CHST8: variants seen among roughly 807,000 people sequenced by gnomAD.
CHST8 encodes the protein carbohydrate sulfotransferase 8.
CHST8 carries 10 observed loss-of-function variants against 15.0 expected under a neutral mutation model. The ratio of observed to expected loss-of-function variants is 0.67; its 90% CI spans 0.41 to 1.13. The LOEUF is 1.13. CHST8 is among the 50% of genes most tolerant of loss of function. The pLI, the probability that CHST8 is intolerant of heterozygous loss-of-function variation, is 0.00. For missense variants in CHST8, 634 were observed against 608.2 expected (o/e 1.04, Z -0.45); for synonymous variants, 259 against 256.6 (o/e 1.01, Z -0.09).
intron 1 of CHST8, among the ~76,000 whole-genome samples, chr19:33,649,939 C>T (rs906607646): frequency 9.9e-5 from 15 of 152,180 alleles, no homozygotes; most frequent in Non-Finnish European, 2.1e-4. Flanking sequence ...AAAGAAACTC[C>T]TGTGGCAGTT....
intron 2 of CHST8, among the ~76,000 whole-genome samples, chr19:33,679,392 G>A (rs1042765364): frequency 1.3e-5 from 2 of 152,196 alleles, no homozygotes; most frequent in Non-Finnish European, 2.9e-5. Flanking sequence ...TCTCCAGGCT[G>A]TACTGTCGAG....
At chr19:33,685,577 G>A (rs953757212) in intron 2 of CHST8, among the ~76,000 whole-genome samples, 6 of 152,204 alleles carry the variant, frequency 3.9e-5, no homozygotes, top group African/African-American at 9.6e-5. Flanking sequence ...GGTGAAGGCA[G>A]GTTTTGCCCT....
chr19:33,708,578 G>A (rs1441095026), intron 3 of CHST8, among the ~76,000 whole-genome samples: 1 of 152,110 alleles, frequency 6.6e-6, no homozygotes, highest in Non-Finnish European at 1.5e-5. Flanking sequence ...TTATTTCATT[G>A]ATCTGTATGT....
rs969680753 is a variant in CHST8 at position 33,729,145 on chromosome 19, G to A, written c.130+39754G>A. Among the ~76,000 whole-genome samples the A allele has an allele frequency of 6.0e-4, 91 of 152,284 alleles. 1 individual carries two copies. The highest frequency in any genetic ancestry group is 3.9e-4 in the East Asian group (2 of 5,176). On this transcript the variant is annotated intron_variant, in intron 3 of 4. Transcript: ENST00000650847. Reference sequence around the variant, plus strand: ...CCAAGACCTCCAGGCCTCAGTTTCCGGTAGAACTTAGAGGGAAATCCAAAG... The same window carrying A: ...CCAAGACCTCCAGGCCTCAGTTTCCAGTAGAACTTAGAGGGAAATCCAAAG...
intron 3 of CHST8, among the ~76,000 whole-genome samples, chr19:33,725,064 T>A (rs927842732): frequency 6.6e-6 from 1 of 151,978 alleles, no homozygotes; most frequent in South Asian, 2.1e-4. Context: ...AGTGCAAGCA[T>A]ATGTATCGGG....
Position 33,772,046 on chromosome 19 carries a change from C to T in CHST8, c.258C>T (p.Gly86=). The T allele has an allele frequency of 6.2e-7, 1 of 1,612,190 alleles. No individual in the cohort carries two copies. The highest frequency in any genetic ancestry group is 1.1e-5 in the South Asian group (1 of 91,010). The change falls in exon 5 of 5, where the codon GGC becomes GGT. Residue 86 remains glycine (G), a synonymous_variant. Transcript: ENST00000650847. ...ACTTATCCAGTGGGGCCCCGAGGGG[C>T]CGCAACCTGCCAGCGCCTGACCAGC... ...TRDLSSGAPR[G]RNLPAPDQPQ... is the part of the protein sequence containing the mutation.
chr19:33,662,316 G>T (rs1972598446), intron 1 of CHST8, among the ~76,000 whole-genome samples: 2 of 152,148 alleles, frequency 1.3e-5, no homozygotes, highest in Admixed American at 1.3e-4. Flanking sequence ...GGATTCAAAC[G>T]ATCTGCCAGT....
chr19:33,633,805 G>GTGTC (rs1201548380), intron 1 of CHST8, among the ~76,000 whole-genome samples: 1 of 144,268 alleles, frequency 6.9e-6, no homozygotes, highest in Non-Finnish European at 1.5e-5. Flanking sequence ...GTGTGTGTGT[G>GTGTC]TGTGTGTGTT....
chr19:33,772,006 A>G lies in CHST8; in HGVS notation c.218A>G (p.Glu73Gly). The change falls in exon 5 of 5, where the codon GAG becomes GGG. Residue 73 changes from glutamate (E) to glycine (G), a missense_variant. Physicochemically the swap from Glu to Gly is moderately conservative, Grantham distance 98. Coordinates refer to ENST00000650847, the MANE Select transcript of CHST8 (RefSeq NM_001127895.2). ...GATGGTGACTTGAAGGAACCCACAG[A>G]GAGGGTCACTCGGGACTTATCCAGT... ...SQDGDLKEPTERVTRDLSSGA... is the reference protein window; with the variant it reads ...SQDGDLKEPTGRVTRDLSSGA... 6.2e-7 allele frequency: 1 copy of G among 1,602,508 alleles called. No individual in the cohort carries two copies. Among genetic ancestry groups the G allele is most frequent in the Non-Finnish European group, 8.5e-7 (1 of 1,176,080 alleles).
intron 3 of CHST8, among the ~76,000 whole-genome samples, chr19:33,704,383 G>T (rs1599568226): frequency 6.7e-6 from 1 of 150,168 alleles, no homozygotes; most frequent in Admixed American, 6.6e-5. Context: ...ATGAGGAGAT[G>T]TCCATGGGAA....
At chr19:33,765,214 G>C (rs1449202242) in intron 3 of CHST8, among the ~76,000 whole-genome samples, 1 of 151,890 alleles carries the variant, frequency 6.6e-6, no homozygotes, top group African/African-American at 2.4e-5. Flanking sequence ...AGCAGAGATT[G>C]ATCTTCTGTT....
At chr19:33,624,015 A>G (rs1972019445) in intron 1 of CHST8, among the ~76,000 whole-genome samples, 1 of 152,184 alleles carries the variant, frequency 6.6e-6, no homozygotes, top group Admixed American at 6.5e-5. Context: ...AAAAACCTCA[A>G]AGCCGGAACC....
rs992928286 is a variant in CHST8 at position 33,757,595 on chromosome 19, A to G, written c.131-13818A>G. 3.5e-5 allele frequency among the ~76,000 whole-genome samples: 5 copies of G among 144,918 alleles called. No individual in the cohort carries two copies. In the Admixed American group the frequency reaches 3.5e-4, roughly 10 times the overall value. On this transcript the variant is annotated intron_variant, in intron 3 of 4. Transcript: ENST00000650847. ...AAGAAAGAAAGAAAGAAAGAAAGAA[A>G]GAAAGAAAGAGCCGGCCATTCAGAA... is the stretch of plus-strand genomic sequence containing the variant.
At chr19:33,642,509 C>T (rs564906199) in intron 1 of CHST8, among the ~76,000 whole-genome samples, 14 of 152,176 alleles carry the variant, frequency 9.2e-5, no homozygotes, top group Middle Eastern at 3.4e-3. Context: ...ATTACAGACA[C>T]GCACCACCAC....
At chr19:33,629,403 C>T (rs1972095570) in intron 1 of CHST8, among the ~76,000 whole-genome samples, 1 of 152,266 alleles carries the variant, frequency 6.6e-6, no homozygotes, top group Non-Finnish European at 1.5e-5. Context: ...CCTTTTCCTC[C>T]TCCCCAAGGG....
intron 1 of CHST8, among the ~76,000 whole-genome samples, chr19:33,658,938 T>C (rs1972548476): frequency 6.6e-6 from 1 of 151,560 alleles, no homozygotes; most frequent in South Asian, 2.1e-4. Context: ...AATAGTTTGT[T>C]TGACTATTCT....
Position 33,681,073 on chromosome 19 carries a change from A to G in CHST8, c.-86-8103A>G, listed in dbSNP as rs182719346. Among the ~76,000 whole-genome samples the G allele has an allele frequency of 4.6e-5, 7 of 152,326 alleles. No individual in the cohort carries two copies. In the East Asian group the frequency reaches 1.3e-3, roughly 29 times the overall value. Reference sequence around the variant, plus strand: ...GATAGAGAACATTTCCTTCCCCACAAGGATCCTCGTGTTGCTTTCTTCAGA... The same window carrying G: ...GATAGAGAACATTTCCTTCCCCACAGGGATCCTCGTGTTGCTTTCTTCAGA... On this transcript the variant is annotated intron_variant, in intron 2 of 4. Transcript: ENST00000650847.
At chr19:33,709,327 C>T (rs1416331028) in intron 3 of CHST8, among the ~76,000 whole-genome samples, 3 of 152,092 alleles carry the variant, frequency 2.0e-5, no homozygotes, top group African/African-American at 7.2e-5. Context: ...CATCTTTCAC[C>T]AATAAGTATA....
At chr19:33,703,661 T>C (rs947074990) in intron 3 of CHST8, among the ~76,000 whole-genome samples, 1 of 152,306 alleles carries the variant, frequency 6.6e-6, no homozygotes, top group South Asian at 2.1e-4. Flanking sequence ...GCCTTTAGGG[T>C]CACTGCAGAT....
Sources: gnomAD v4.1 joint callset for allele counts (sites outside exome capture counted in the v4.1 genomes callset) on GRCh38, gnomAD v4.1.1 for gene constraint, MANE v1.5 for transcripts, NCBI Gene and HGNC (gene_info 2026-07-23, HGNC 2026-07-21) for gene names.